The following CADM2 variants were observed in gnomAD, a reference collection of about 807,000 sequenced individuals.
The protein encoded by CADM2 is cell adhesion molecule 2.
In CADM2, 12 loss-of-function variants were observed where a neutral mutation model predicts 49.8. That is an observed-to-expected ratio of 0.24 (90% CI 0.15 to 0.39). The LOEUF is 0.39. Among genes scored for constraint, CADM2 ranks in the 10% least tolerant of loss-of-function variants. The pLI is 1.00. For missense variants in CADM2, 378 were observed against 492.3 expected (o/e 0.77, Z 2.20); for synonymous variants, 214 against 175.4 (o/e 1.22, Z -1.74).
chr3:85,887,575 T>C (rs1384684169), intron 5 of CADM2, among the ~76,000 whole-genome samples: 1 of 152,194 alleles, frequency 6.6e-6, no homozygotes, highest in Non-Finnish European at 1.5e-5. Context: ...AAAAGGTCCT[T>C]ATCCATAATT....
rs368018352 is a variant in CADM2, at chr3:85,818,707, A to G, written c.238+16511A>G. 2.2e-4 allele frequency among the ~76,000 whole-genome samples: 34 copies of G among 152,238 alleles called. No homozygotes were observed. The East Asian group carries it at 2.7e-3, about 12-fold the overall frequency. On this transcript the variant is annotated intron_variant, in intron 3 of 9. Coordinates refer to ENST00000383699, the MANE Select transcript of CADM2 (RefSeq NM_001167675.2). ...AATTCTTTAAAAGTTAGAACACTGAAAAAAGGAAATCAGTATCTGAACAGC... is the reference window on the plus strand; with the variant it reads ...AATTCTTTAAAAGTTAGAACACTGAGAAAAGGAAATCAGTATCTGAACAGC...
intron 8 of CADM2, among the ~76,000 whole-genome samples, chr3:86,007,792 T>C (rs1449031091): frequency 6.6e-6 from 1 of 152,184 alleles, no homozygotes; most frequent in Non-Finnish European, 1.5e-5. Context: ...CGACTTTCAG[T>C]TTTAATGTCC....
chr3:85,442,678 T>C (rs902850074), intron 1 of CADM2, among the ~76,000 whole-genome samples: 6 of 145,476 alleles, frequency 4.1e-5, no homozygotes, highest in African/African-American at 1.6e-4. Flanking sequence ...AGTTCAGGGA[T>C]TGAAGATTTA....
chr3:85,839,178 A>G (rs935065275), intron 3 of CADM2, among the ~76,000 whole-genome samples: 14 of 151,936 alleles, frequency 9.2e-5, no homozygotes, highest in South Asian at 4.1e-4. Flanking sequence ...CCTGGTGTCT[A>G]TAACTCACTG....
At chr3:85,131,636 C>A (rs2039233076) in intron 1 of CADM2, among the ~76,000 whole-genome samples, 1 of 152,060 alleles carries the variant, frequency 6.6e-6, no homozygotes, top group Non-Finnish European at 1.5e-5. Flanking sequence ...TAATATTCTC[C>A]ATTTTTAAGG....
intron 1 of CADM2, among the ~76,000 whole-genome samples, chr3:85,082,579 T>C (rs1218596046): frequency 6.6e-6 from 1 of 152,140 alleles, no homozygotes. Flanking sequence ...TTTCTGAAAC[T>C]GAATACATTT....
At chr3:85,328,716 A>T (rs1263685892) in intron 1 of CADM2, among the ~76,000 whole-genome samples, 1 of 152,184 alleles carries the variant, frequency 6.6e-6, no homozygotes, top group African/African-American at 2.4e-5. Context: ...AATGATTAAA[A>T]TGTTTCATAG....
At chr3:84,965,350 A>G (rs779955893) in intron 1 of CADM2, among the ~76,000 whole-genome samples, 6 of 152,170 alleles carry the variant, frequency 3.9e-5, no homozygotes, top group Non-Finnish European at 8.8e-5. Flanking sequence ...AGAGGCCACA[A>G]ACTCACAGGA....
chr3:85,683,947 T>G (rs1214039553), intron 1 of CADM2, among the ~76,000 whole-genome samples: 1 of 152,148 alleles, frequency 6.6e-6, no homozygotes, highest in African/African-American at 2.4e-5. Context: ...TCTGTGTGTG[T>G]TTATGTGTCT....
At chr3:85,715,604 C>T (rs1023277431) in intron 1 of CADM2, among the ~76,000 whole-genome samples, 1 of 152,074 alleles carries the variant, frequency 6.6e-6, no homozygotes, top group African/African-American at 2.4e-5. Context: ...TTGCTTCACC[C>T]ATCAATCCTT....
At chr3:85,336,590 T>C (rs1434553569) in intron 1 of CADM2, among the ~76,000 whole-genome samples, 1 of 151,084 alleles carries the variant, frequency 6.6e-6, no homozygotes, top group Non-Finnish European at 1.5e-5. Context: ...TTGTCAACTA[T>C]CAATTTGGAC....
At chr3:85,487,602 TGGAGGA>T (rs893286825) in intron 1 of CADM2, among the ~76,000 whole-genome samples, 2 of 116,222 alleles carry the variant, frequency 1.7e-5, no homozygotes, top group Admixed American at 1.7e-4. Context: ...AAGGAGGAAG[TGGAGGA>T]GGAGGAGGAG....
At chr3:85,834,648 A>T (rs1043966193) in intron 3 of CADM2, among the ~76,000 whole-genome samples, 1 of 151,558 alleles carries the variant, frequency 6.6e-6, no homozygotes, top group African/African-American at 2.4e-5. Flanking sequence ...CTTTGTGCAA[A>T]GGAATCTGTT....
chr3:85,041,134 A>G (rs2035423024), intron 1 of CADM2, among the ~76,000 whole-genome samples: 1 of 152,146 alleles, frequency 6.6e-6, no homozygotes, highest in Non-Finnish European at 1.5e-5. Flanking sequence ...AGTCTCTAAA[A>G]CTAATAACTG....
At chr3:85,012,224 C>G (rs2034032486) in intron 1 of CADM2, among the ~76,000 whole-genome samples, 1 of 151,492 alleles carries the variant, frequency 6.6e-6, no homozygotes, top group South Asian at 2.1e-4. Context: ...TTGATGGGTA[C>G]TTTGGCTCTG....
At chr3:85,920,036 C>G (rs1718894113) in intron 6 of CADM2, among the ~76,000 whole-genome samples, 1 of 151,866 alleles carries the variant, frequency 6.6e-6, no homozygotes, top group African/African-American at 2.4e-5. Flanking sequence ...CTACACTACA[C>G]AAACCCGTAC....
At chr3:85,365,381 A>G (rs1351753299) in intron 1 of CADM2, among the ~76,000 whole-genome samples, 1 of 152,070 alleles carries the variant, frequency 6.6e-6, no homozygotes, top group Non-Finnish European at 1.5e-5. Context: ...ACTTGAAGTA[A>G]AGAGAACTAT....
chr3:85,900,607 GATTA>G (rs1227227798), intron 5 of CADM2, among the ~76,000 whole-genome samples: 3 of 152,080 alleles, frequency 2.0e-5, no homozygotes, highest in Non-Finnish European at 4.4e-5. Flanking sequence ...TTAAACTTGT[GATTA>G]ATTAATGTTG....
chr3:85,282,823 A>G (rs2043537930), intron 1 of CADM2, among the ~76,000 whole-genome samples: 1 of 152,092 alleles, frequency 6.6e-6, no homozygotes, highest in South Asian at 2.1e-4. Context: ...AAGCCCTCAA[A>G]AAGTATCACA....
Sources: allele counts gnomAD v4.1 joint callset (sites outside exome capture counted in the v4.1 genomes callset), GRCh38; gene constraint gnomAD v4.1.1; transcripts MANE v1.5; gene names NCBI Gene and HGNC (gene_info 2026-07-23, HGNC 2026-07-21).